Variants in MAGEA4 observed in about 807,000 individuals in gnomAD.
MAGEA4 encodes MAGE family member A4.
MAGEA4 carries 1 observed loss-of-function variant against 13.7 expected under a neutral mutation model. The observed-to-expected ratio is 0.07, with a 90% CI of 0.03 to 0.35. MAGEA4 has a LOEUF of 0.35. MAGEA4 is among the 10% of genes least tolerant of loss of function. The pLI, the probability that MAGEA4 is intolerant of heterozygous loss-of-function variation, is 0.99. For missense variants in MAGEA4, 312 were observed against 245.1 expected (o/e 1.27, Z -1.82); for synonymous variants, 132 against 101.1 (o/e 1.31, Z -1.83).
At chrX:151,912,581 T>A (rs1426615633), upstream of MAGEA4, 1 of 344,728 alleles carries the variant, frequency 2.9e-6, no homozygotes, top group South Asian at 2.7e-5. Context: ...GTCAGGACCC[T>A]AAGAGAGAGC....
intron 1 of MAGEA4, among the ~76,000 whole-genome samples, chrX:151,923,183 C>T (rs766250657): frequency 8.9e-6 from 1 of 111,902 alleles, no homozygotes; most frequent in Admixed American, 9.4e-5. Context: ...ACAGTCTGCA[C>T]CCTAAGGGCC....
At chrX:151,920,229 T>G (rs1314566346) in intron 1 of MAGEA4, among the ~76,000 whole-genome samples, 3 of 110,516 alleles carry the variant, frequency 2.7e-5, no homozygotes, top group Non-Finnish European at 5.7e-5. Flanking sequence ...CTTCTCAGTC[T>G]GACAGGCAGC....
In MAGEA4 at chrX:151,923,490, C is replaced by G. The variant is rs777222146; in HGVS notation, c.-100C>G. ...CAGGCCAACCGGAGGACAGGATTCC[C>G]TGGAGGCCACAGAGGAGCACCAAGG... On this transcript the variant is annotated 5_prime_UTR_variant, in exon 2 of 3. Coordinates refer to ENST00000276344, the MANE Select transcript of MAGEA4 (RefSeq NM_001011548.1). The G allele has an allele frequency of 1.0e-5, 12 of 1,198,476 alleles. No homozygotes were observed. In the African/African-American group the frequency reaches 2.1e-4, roughly 21 times the overall value.
chrX:151,923,649 C>T lies in MAGEA4; in HGVS notation c.-16C>T, dbSNP rs1441925519. 4 of 1,209,308 alleles carry T rather than the reference C, an allele frequency of 3.3e-6. No individual in the cohort carries two copies. Among genetic ancestry groups the T allele is most frequent in the Non-Finnish European group, 4.5e-6 (4 of 895,104 alleles). On this transcript the variant is annotated 5_prime_UTR_variant, in exon 3 of 3. Coordinates refer to ENST00000276344, the MANE Select transcript of MAGEA4 (RefSeq NM_001011548.1). Reference sequence around the variant, plus strand: ...TTTTGCCTGCACTCTTGCCTGCTGCCCTGACCAGAGTCATCATGTCTTCTG... The same window carrying T: ...TTTTGCCTGCACTCTTGCCTGCTGCTCTGACCAGAGTCATCATGTCTTCTG...
In MAGEA4 at chrX:151,924,125, A is replaced by G. The variant is rs745602686; in HGVS notation, c.461A>G (p.Lys154Arg). 1 of 1,212,153 alleles carries G rather than the reference A, an allele frequency of 8.2e-7. No individual in the cohort carries two copies. The highest frequency in any genetic ancestry group is 1.1e-6 in the Non-Finnish European group (1 of 895,643). ...YKRCFPVIFGKASESLKMIFG... is the reference protein window; with the variant it reads ...YKRCFPVIFGRASESLKMIFG... ...CGCTGCTTTCCTGTGATCTTCGGCA[A>G]AGCCTCCGAGTCCCTGAAGATGATC... Residue 154 changes from lysine (K) to arginine (R), a missense_variant, in exon 3 of 3, where the codon AAA becomes AGA. Transcript: ENST00000276344.
chrX:151,915,796 T>C, intron 1 of MAGEA4, among the ~76,000 whole-genome samples: 1 of 46,658 alleles, frequency 2.1e-5, no homozygotes, highest in Non-Finnish European at 3.7e-5. Context: ...GACTCTGGAG[T>C]CAGAGCTTGG....
In MAGEA4 at chrX:151,924,182, C is replaced by T; in HGVS notation, c.518C>T (p.Ala173Val). Residue 173 changes from alanine (A) to valine (V), a missense_variant, in exon 3 of 3, where the codon GCC becomes GTC. Coordinates refer to ENST00000276344, the MANE Select transcript of MAGEA4 (RefSeq NM_001011548.1). The part of the protein sequence containing the change: ...FGIDVKEVDP[A>V]SNTYTLVTCL... ...ATTGACGTGAAGGAAGTGGACCCCG[C>T]CAGCAACACCTACACCCTTGTCACC... 8.3e-7 allele frequency: 1 copy of T among 1,211,888 alleles called. No homozygotes were observed.
At chrX:151,922,496 G>A (rs1405180608) in intron 1 of MAGEA4, among the ~76,000 whole-genome samples, 1 of 111,360 alleles carries the variant, frequency 9.0e-6, no homozygotes, top group African/African-American at 3.3e-5. Flanking sequence ...GGGGTGACAG[G>A]ATGTGGCTCC....
chrX:151,918,153 A>G, intron 1 of MAGEA4: 1 of 17,305 alleles, frequency 5.8e-5, no homozygotes. Flanking sequence ...ACTCCCAAAA[A>G]CCCGCCCCCT....
Position 151,924,766 on chromosome X carries a change from G to A in MAGEA4, c.*148G>A, listed in dbSNP as rs936124485. On this transcript the variant is annotated 3_prime_UTR_variant, in exon 3 of 3. Transcript: ENST00000276344. The stretch of plus-strand genomic sequence containing the variant: ...AAATAGTCAGTGTTCTTAGTAGTGG[G>A]TTTCTATTTTGTTGGATGACTTGGA... 2 of 564,154 alleles carry A rather than the reference G, an allele frequency of 3.5e-6. No individual in the cohort carries two copies. The highest frequency in any genetic ancestry group is 9.4e-5 in the Admixed American group (2 of 21,385). 46.5% of individuals were successfully genotyped at this position (564,154 alleles called of 1,213,427 possible).
At chrX:151,920,558 C>T (rs1933379751) in intron 1 of MAGEA4, among the ~76,000 whole-genome samples, 2 of 100,318 alleles carry the variant, frequency 2.0e-5, no homozygotes, top group Non-Finnish European at 2.0e-5. Flanking sequence ...CATTCCTATC[C>T]CCTACCCCTT....
intron 1 of MAGEA4, 30 bp from the exon 2 acceptor site, chrX:151,923,423 C>T (rs1381073897): frequency 1.2e-5 from 14 of 1,147,118 alleles, no homozygotes; most frequent in Non-Finnish European, 1.5e-5. Flanking sequence ...CCGGCTATAC[C>T]CTGAGGTGCT....
At position 151,913,580 on chromosome X, in the gene MAGEA4, G is replaced by A. The variant is rs1278674182; in HGVS notation, c.-138+611G>A. The A allele has an allele frequency of 2.8e-5, 21 of 747,493 alleles. 1 individual carries two copies. The highest frequency in any genetic ancestry group is 3.1e-5 in the Non-Finnish European group (20 of 636,821). The allele number at this position is 747,493 out of a possible 1,213,427, so 61.6% of individuals were successfully genotyped here. A position where few individuals can be genotyped will look rare whatever the true frequency, so the allele number is the denominator to read the frequency against. On this transcript the variant is annotated intron_variant, in intron 1 of 2. Coordinates refer to ENST00000276344, the MANE Select transcript of MAGEA4 (RefSeq NM_001011548.1). ...GAGGGAAGCGGGCCAGGCCCTGTGA[G>A]GAGTCAAGGTGAGACGCTGAGGGAG... is the stretch of plus-strand genomic sequence containing the variant.
intron 1 of MAGEA4, among the ~76,000 whole-genome samples, chrX:151,920,315 C>T (rs1484644282): frequency 9.1e-6 from 1 of 109,530 alleles, no homozygotes; most frequent in Non-Finnish European, 1.9e-5. Flanking sequence ...AGTCGGGAGG[C>T]CCTCTCCACC....
intron 1 of MAGEA4, among the ~76,000 whole-genome samples, chrX:151,921,411 G>A (rs959210115): frequency 1.1e-4 from 12 of 112,264 alleles, no homozygotes; most frequent in Admixed American, 9.3e-4. Context: ...ATAATCCAGC[G>A]CAGCTCCTGC....
rs765887121 is a variant in MAGEA4 at position 151,919,082 on chromosome X, A to T, written c.-137-4371A>T. On this transcript the variant is annotated intron_variant, in intron 1 of 2. Transcript: ENST00000276344. Reference sequence around the variant, plus strand: ...CTCAGGAGGCCCCCACCCCAGATAGACGACCCCAAATAATCCCGCACCACT... The same window carrying T: ...CTCAGGAGGCCCCCACCCCAGATAGTCGACCCCAAATAATCCCGCACCACT... 5.8e-4 allele frequency: 427 copies of T among 739,169 alleles called. 2 individuals are homozygous for T. In the African/African-American group the frequency reaches 9.7e-3, roughly 17 times the overall value. 60.9% of individuals were successfully genotyped at this position (739,169 alleles called of 1,213,427 possible). A position where few individuals can be genotyped will look rare whatever the true frequency, so the allele number is the denominator to read the frequency against.
At chrX:151,919,851 C>A (rs1053667330) in intron 1 of MAGEA4, 1 of 525,082 alleles carries the variant, frequency 1.9e-6, no homozygotes, top group African/African-American at 2.6e-5. Flanking sequence ...CGCCCACCAC[C>A]CCACTGCCTC....
Position 151,919,546 on chromosome X carries a change from A to C in MAGEA4, c.-137-3907A>C, listed in dbSNP as rs1471274893. 6.9e-5 allele frequency: 27 copies of C among 390,878 alleles called. No individual in the cohort carries two copies. The Admixed American group carries it at 1.4e-3, about 20-fold the overall frequency. 32.2% of individuals were successfully genotyped at this position (390,878 alleles called of 1,213,427 possible). A position where few individuals can be genotyped will look rare whatever the true frequency, so the allele number is the denominator to read the frequency against. On this transcript the variant is annotated intron_variant, in intron 1 of 2. Transcript: ENST00000276344. Reference sequence around the variant, plus strand: ...CCCCTCCACCGACCTCACTCCTCCCACCCCCATCCACGCTGAATCGGGTTC... The same window carrying C: ...CCCCTCCACCGACCTCACTCCTCCCCCCCCCATCCACGCTGAATCGGGTTC...
At chrX:151,919,783 C>T (rs1477826295) in intron 1 of MAGEA4, 6 of 743,641 alleles carry the variant, frequency 8.1e-6, no homozygotes, top group Non-Finnish European at 9.5e-6. Context: ...CCAAATAATC[C>T]CGAACCACTC....
Sources: allele counts gnomAD v4.1 joint callset (sites outside exome capture counted in the v4.1 genomes callset), GRCh38; gene constraint gnomAD v4.1.1; transcripts MANE v1.5; gene names NCBI Gene and HGNC (gene_info 2026-07-23, HGNC 2026-07-21).